SYNE1: variants seen among roughly 807,000 people sequenced by gnomAD.
SYNE1 encodes spectrin repeat containing nuclear envelope protein 1.
Under a neutral mutation model 1,111.0 loss-of-function variants are expected in SYNE1, and 616 were observed. The observed-to-expected ratio is 0.55, with a 90% CI of 0.52 to 0.59. The LOEUF (loss-of-function observed/expected upper bound fraction) is 0.59. SYNE1 is among the 20% of genes least tolerant of loss of function. SYNE1 has a pLI of 0.00. For missense variants in SYNE1, 10,006 were observed against 10,417.0 expected (o/e 0.96, Z 1.72); for synonymous variants, 3,855 against 3,825.8 (o/e 1.01, Z -0.28).
chr6:152,241,534 T>C (rs1263164419), intron 107 of SYNE1, among the ~76,000 whole-genome samples: 1 of 6,036 alleles, frequency 1.7e-4, no homozygotes, highest in Admixed American at 1.1e-3. Context: ...GTGTGTGAAA[T>C]ACGCATTCTT....
chr6:152,441,350 T>A (rs897169972), intron 31 of SYNE1, 80 bp from the exon 32 acceptor site: 1 of 1,465,226 alleles, frequency 6.8e-7, no homozygotes, highest in Non-Finnish European at 9.3e-7. Flanking sequence ...TGCAAAACTG[T>A]CAACTTTCAG....
intron 128 of SYNE1, among the ~76,000 whole-genome samples, chr6:152,186,101 G>A (rs1468085323): frequency 6.6e-6 from 1 of 152,116 alleles, no homozygotes; most frequent in East Asian, 1.9e-4. Flanking sequence ...CATATTCTTG[G>A]AATGAGGTCA....
intron 67 of SYNE1, 72 bp downstream of exon 67, chr6:152,354,587 A>T: frequency 7.0e-6 from 11 of 1,580,458 alleles, no homozygotes; most frequent in Non-Finnish European, 2.6e-6. Context: ...AAGTTACTAA[A>T]TATCTTAATG....
chr6:152,605,780 T>C lies in SYNE1; in HGVS notation c.67+22485A>G, dbSNP rs2099613168. ...AAATGCACATCTTTAAAGGTATTTT[T>C]ATAGCTGTGATTAAGGCTTGGTGTT... On this transcript the variant is annotated intron_variant, in intron 3 of 145. Coordinates refer to ENST00000367255, the MANE Select transcript of SYNE1 (RefSeq NM_182961.4). 2.0e-5 allele frequency among the ~76,000 whole-genome samples: 3 copies of C among 152,244 alleles called. No individual in the cohort carries two copies. In the South Asian group the frequency reaches 6.2e-4, roughly 31 times the overall value.
At chr6:152,152,225 TG>T (rs934893909) in intron 133 of SYNE1, 84 bp from the exon 134 acceptor site, 2 of 1,200,606 alleles carry the variant, frequency 1.7e-6, no homozygotes, top group African/African-American at 3.0e-5. Context: ...TTGTAGCGTC[TG>T]GGAGAATGGG....
At chr6:152,625,953 A>G (rs1176293999) in intron 3 of SYNE1, among the ~76,000 whole-genome samples, 1 of 152,176 alleles carries the variant, frequency 6.6e-6, no homozygotes, top group African/African-American at 2.4e-5. Context: ...AGCAATCCAC[A>G]TTTTGCAAAT....
rs2063195506 is a variant in SYNE1 at position 152,164,416 on chromosome 6, T to A, written c.23628-91A>T. 6.1e-6 allele frequency: 9 copies of A among 1,483,230 alleles called. No individual in the cohort carries two copies. The East Asian group carries it at 1.1e-4, about 19-fold the overall frequency. 91.9% of individuals were successfully genotyped at this position (1,483,230 alleles called of 1,614,324 possible). On this transcript the variant is annotated intron_variant, in intron 130 of 145. Coordinates refer to ENST00000367255, the MANE Select transcript of SYNE1 (RefSeq NM_182961.4). ...AGAGGAGAACACTGGGCTTTAACAA[T>A]CTTTTTAGGCAGAGTTAGAAACTCA...
chr6:152,370,815 G>T (rs62426388), intron 59 of SYNE1, among the ~76,000 whole-genome samples: 12,198 of 152,238 alleles, frequency 0.08, 756 homozygotes, highest in East Asian at 0.34. Context: ...ATAGTTCAAG[G>T]TTCCACCTGT....
intron 56 of SYNE1, among the ~76,000 whole-genome samples, chr6:152,378,347 C>G (rs1392534816): frequency 6.6e-6 from 1 of 152,140 alleles, no homozygotes; most frequent in Non-Finnish European, 1.5e-5. Context: ...ACAAACCAGC[C>G]CTGTGCTTCA....
intron 94 of SYNE1, 88 bp downstream of exon 94, chr6:152,293,872 A>C: frequency 6.2e-7 from 1 of 1,609,136 alleles, no homozygotes; most frequent in Non-Finnish European, 8.5e-7. Context: ...TGGACTGGAT[A>C]TGTAAACTCT....
chr6:152,326,555 C>T lies in SYNE1; in HGVS notation c.15034G>A (p.Ala5012Thr). The T allele has an allele frequency of 1.2e-6, 2 of 1,614,204 alleles. No individual in the cohort carries two copies. The highest frequency in any genetic ancestry group is 1.7e-6 in the Non-Finnish European group (2 of 1,180,042). ...FQAANDWLED[A>T]QELLQLAGNG... ...CCTGCCAGCTGTAACAATTCTTGGG[C>T]ATCCTCAAGCCAGTCATTGGCTGCT... Residue 5012 changes from alanine to threonine, a missense_variant, in exon 79 of 146, where the codon GCC (alanine) becomes ACC (threonine). Physicochemically the swap from Ala to Thr is moderately conservative, Grantham distance 58. Transcript: ENST00000367255.
chr6:152,427,228 A>G (rs1227026196), intron 38 of SYNE1, among the ~76,000 whole-genome samples: 1 of 152,222 alleles, frequency 6.6e-6, no homozygotes, highest in African/African-American at 2.4e-5. Context: ...CTTCCATAAG[A>G]ATAATCATTA....
intron 128 of SYNE1, among the ~76,000 whole-genome samples, chr6:152,183,907 C>A (rs967786154): frequency 5.3e-5 from 8 of 151,586 alleles, no homozygotes; most frequent in African/African-American, 1.9e-4. Flanking sequence ...GATTAAATAT[C>A]CAGAGGCAGC....
At chr6:152,605,102 A>AAGGG (rs1443409100) in intron 3 of SYNE1, among the ~76,000 whole-genome samples, 1 of 142,976 alleles carries the variant, frequency 7.0e-6, no homozygotes, top group African/African-American at 2.6e-5. Flanking sequence ...GGAAGGAAGG[A>AAGGG]AGGAAGGAAG....
intron 3 of SYNE1, among the ~76,000 whole-genome samples, chr6:152,600,495 T>C (rs1190505536): frequency 6.6e-6 from 1 of 152,226 alleles, no homozygotes; most frequent in Non-Finnish European, 1.5e-5. Context: ...AAGTGCAGAA[T>C]TTTAAGGCTG....
intron 3 of SYNE1, among the ~76,000 whole-genome samples, chr6:152,614,983 T>A (rs2099641777): frequency 6.6e-6 from 1 of 152,038 alleles, no homozygotes; most frequent in Non-Finnish European, 1.5e-5. Context: ...CCGGGGCCTG[T>A]CTGTGGGGGC....
At chr6:152,146,711 C>T (rs964097606) in intron 137 of SYNE1, 1 of 152,234 alleles carries the variant, frequency 6.6e-6, no homozygotes, top group Admixed American at 6.5e-5. Flanking sequence ...AGATACATTT[C>T]CAAGTGCCAC....
At chr6:152,564,091 T>A (rs1455709394) in intron 3 of SYNE1, among the ~76,000 whole-genome samples, 1 of 152,180 alleles carries the variant, frequency 6.6e-6, no homozygotes, top group Admixed American at 6.5e-5. Context: ...TTATACTGCG[T>A]AAGACAATCA....
chr6:152,480,296 G>A (rs946399897), intron 14 of SYNE1, among the ~76,000 whole-genome samples: 8 of 152,154 alleles, frequency 5.3e-5, no homozygotes, highest in African/African-American at 1.7e-4. Flanking sequence ...TGAGGCAGGC[G>A]GATCACTTGA....
Sources: allele counts gnomAD v4.1 joint callset (sites outside exome capture counted in the v4.1 genomes callset), GRCh38; gene constraint gnomAD v4.1.1; transcripts MANE v1.5; gene names NCBI Gene and HGNC (gene_info 2026-07-23, HGNC 2026-07-21).